The following MMP13 variants were observed in gnomAD, a reference collection of about 807,000 sequenced individuals.
The protein encoded by MMP13 is matrix metallopeptidase 13, also known as collagenase 3.
MMP13 carries 45 observed loss-of-function variants against 52.1 expected under a neutral mutation model. The observed-to-expected ratio is 0.86, with a 90% confidence interval of 0.68 to 1.11. MMP13 has a LOEUF of 1.11. Among genes scored for constraint, MMP13 ranks in the 50% least tolerant of loss-of-function variants. The probability of loss-of-function intolerance (pLI) is 0.00; values close to 1 mark genes in which losing one functional copy is unlikely to be tolerated. For missense variants in MMP13, 576 were observed against 583.8 expected (o/e 0.99, Z 0.14); for synonymous variants, 200 against 204.4 (o/e 0.98, Z 0.18).
rs1262950273 is a variant in MMP13 at position 102,954,452 on chromosome 11, C to A, written c.511+6G>T. The A allele has an allele frequency of 6.2e-7, 1 of 1,612,720 alleles. No individual in the cohort carries two copies. The highest frequency in any genetic ancestry group is 1.3e-5 in the African/African-American group (1 of 74,872). ...AAATGTTTGTAAAATAAATGTGCAT[C>A]ATTACCCTTAATTCCAAAAGAGATC... On this transcript the variant is annotated splice_donor_region_variant and intron_variant, in intron 3 of 9. Transcript: ENST00000260302.
chr11:102,945,400 T>C (rs891483553), intron 9 of MMP13, among the ~76,000 whole-genome samples: 3 of 152,182 alleles, frequency 2.0e-5, no homozygotes, highest in Non-Finnish European at 4.4e-5. Flanking sequence ...TAGATTAAGG[T>C]AATGTTGAAG....
chr11:102,953,627 G>A (rs1488335219), intron 4 of MMP13, among the ~76,000 whole-genome samples: 1 of 152,092 alleles, frequency 6.6e-6, no homozygotes, highest in African/African-American at 2.4e-5. Flanking sequence ...GTTTCATGCT[G>A]TTTGGAGTAA....
intron 5 of MMP13, among the ~76,000 whole-genome samples, chr11:102,951,697 C>T (rs1332491374): frequency 1.3e-5 from 2 of 152,184 alleles, no homozygotes; most frequent in East Asian, 1.9e-4. Flanking sequence ...TGTACTTACA[C>T]AAACCTAGAT....
chr11:102,948,643 A>G (rs959606811), intron 7 of MMP13, among the ~76,000 whole-genome samples: 1 of 152,230 alleles, frequency 6.6e-6, no homozygotes, highest in African/African-American at 2.4e-5. Context: ...TTTGTATTAC[A>G]TAATGAAAAT....
Position 102,955,353 on chromosome 11 carries a change from G to C in MMP13, c.261C>G (p.Thr87=), listed in dbSNP as rs1860679696. ...ATCTTGGCTTTTTCATGACATCTAA[G>C]GTGTTATCGTCAAGTTTGCCAGTCA... ...LEVTGKLDDN[T]LDVMKKPRCG... The change falls in exon 2 of 10, where the codon ACC becomes ACG. Residue 87 remains threonine, a synonymous_variant. Transcript: ENST00000260302. This position sits in a 1 kb window ranked among gnomAD's most constrained non-coding sequence, Gnocchi z 4.9. 6.2e-7 allele frequency: 1 copy of C among 1,613,930 alleles called. No individual in the cohort carries two copies. The highest frequency in any genetic ancestry group is 1.3e-5 in the African/African-American group (1 of 74,984).
In MMP13 at chr11:102,949,312, G is replaced by A. The variant is rs143598232; in HGVS notation, c.918-154C>T. The stretch of plus-strand genomic sequence containing the variant: ...AAAAAAATTCCATTACCCTTTAAGC[G>A]CCAGTGACAAGTTGTGCTATCCTAA... On this transcript the variant is annotated intron_variant, in intron 6 of 9. Transcript: ENST00000260302. The surrounding 1 kb of genome is among the most constrained non-coding windows in gnomAD (Gnocchi z 4.2). 1.4e-4 allele frequency among the ~76,000 whole-genome samples: 22 copies of A among 152,102 alleles called. No individual in the cohort carries two copies. Among genetic ancestry groups the A allele is most frequent in the Middle Eastern group, 3.4e-3 (1 of 294 alleles).
At position 102,953,046 on chromosome 11, in the gene MMP13, A is replaced by G. The variant is rs141798430; in HGVS notation, c.638-873T>C. The stretch of plus-strand genomic sequence containing the variant: ...ACCATCCTAGCAAACCTTGCAGACC[A>G]TGAGAGCAATTAGAGGTCACATAAT... On this transcript the variant is annotated intron_variant, in intron 4 of 9. Transcript: ENST00000260302. 3.9e-5 allele frequency among the ~76,000 whole-genome samples: 6 copies of G among 152,284 alleles called. No individual in the cohort carries two copies. The East Asian group carries it at 7.7e-4, about 20-fold the overall frequency.
At position 102,944,265 on chromosome 11, in the gene MMP13, C is replaced by G. The variant is rs141028591; in HGVS notation, c.*1G>C. The G allele has an allele frequency of 1.2e-6, 2 of 1,610,772 alleles. No individual in the cohort carries two copies. The highest frequency in any genetic ancestry group is 4.5e-5 in the East Asian group (2 of 44,804). On this transcript the variant is annotated 3_prime_UTR_variant, in exon 10 of 10. Transcript: ENST00000260302. ...TTAAATAACAATTTTTAAAAAGACA[C>G]TTAACACCACAAAATGGAATTTGCT...
At chr11:102,947,105 C>G (rs1424583792) in intron 8 of MMP13, among the ~76,000 whole-genome samples, 3 of 152,188 alleles carry the variant, frequency 2.0e-5, no homozygotes, top group African/African-American at 7.2e-5. Context: ...AAACTATGGG[C>G]CTGTCAGCTT....
Position 102,955,201 on chromosome 11 carries a change from T to C in MMP13, c.362+51A>G, listed in dbSNP as rs770445398. 5.6e-6 allele frequency: 9 copies of C among 1,595,216 alleles called. No individual in the cohort carries two copies. The highest frequency in any genetic ancestry group is 7.7e-6 in the Non-Finnish European group (9 of 1,166,554). On this transcript the variant is annotated intron_variant, in intron 2 of 9. Transcript: ENST00000260302. The surrounding 1 kb of genome is among the most constrained non-coding windows in gnomAD (Gnocchi z 4.9). ...GGCCTACTTAATATTAGACATTTAA[T>C]ACTACAAGAAAAGGCTAACAAATAT...
rs990460622 is a variant in MMP13, at chr11:102,955,125, C to T, written c.362+127G>A. ...AATAATAGATGTTATGAGGTATTCT[C>T]GGCAACCATATTAAAGCTATTCTGG... On this transcript the variant is annotated intron_variant, in intron 2 of 9. Coordinates refer to ENST00000260302, the MANE Select transcript of MMP13 (RefSeq NM_002427.4). The surrounding 1 kb of genome is among the most constrained non-coding windows in gnomAD (Gnocchi z 4.9). 3.0e-5 allele frequency: 32 copies of T among 1,066,104 alleles called. No individual in the cohort carries two copies. The highest frequency in any genetic ancestry group is 2.7e-4 in the Middle Eastern group (1 of 3,652). 66.0% of individuals were successfully genotyped at this position (1,066,104 alleles called of 1,614,324 possible). A position where few individuals can be genotyped will look rare whatever the true frequency, so the allele number is the denominator to read the frequency against.
At chr11:102,950,612 T>A (rs1299198041) in intron 5 of MMP13, among the ~76,000 whole-genome samples, 1 of 152,154 alleles carries the variant, frequency 6.6e-6, no homozygotes, top group Non-Finnish European at 1.5e-5. Flanking sequence ...GCAAAAGCCC[T>A]CATCTTGCCT....
chr11:102,955,701 T>G lies in MMP13; in HGVS notation c.5A>C (p.His2Pro). ...GAGGAAGGCAGCCAGGACCCCTGGA[T>G]GCATCTTGAATGGTGATGCCTGGGG... M[H>P]PGVLAAFLFL... Residue 2 changes from histidine to proline, a missense_variant, in exon 1 of 10, where the codon CAT becomes CCT. Coordinates refer to ENST00000260302, the MANE Select transcript of MMP13 (RefSeq NM_002427.4). This position sits in a 1 kb window ranked among gnomAD's most constrained non-coding sequence, Gnocchi z 4.9. 1 of 1,613,952 alleles carries G rather than the reference T, an allele frequency of 6.2e-7. No homozygotes were observed. The highest frequency in any genetic ancestry group is 1.7e-5 in the Admixed American group (1 of 59,990).
At chr11:102,945,494 C>T in intron 9 of MMP13, 152 bp downstream of exon 9, 1 of 660,940 alleles carries the variant, frequency 1.5e-6, no homozygotes, top group Admixed American at 3.0e-5. Flanking sequence ...GGTTTGCTGT[C>T]TTTGTAGGTA....
At chr11:102,944,947 C>G (rs1297234886) in intron 9 of MMP13, among the ~76,000 whole-genome samples, 1 of 150,662 alleles carries the variant, frequency 6.6e-6, no homozygotes, top group Non-Finnish European at 1.5e-5. Context: ...TCAATAATAT[C>G]TCTTTTCATA....
intron 3 of MMP13, 73 bp downstream of exon 3, chr11:102,954,385 G>A: frequency 5.0e-6 from 8 of 1,593,416 alleles, no homozygotes; most frequent in Non-Finnish European, 6.9e-6. Flanking sequence ...ATGAATGACT[G>A]AAATAAATAA....
rs782295095 is a variant in MMP13 at position 102,952,139 on chromosome 11, G to A, written c.672C>T (p.Phe224=). Reference sequence around the variant, plus strand: ...AGTGGTCAAGACCTAAGGAGTGGCCGAACTCATGCGCAGCAACAAGAAACA... The same window carrying A: ...AGTGGTCAAGACCTAAGGAGTGGCCAAACTCATGCGCAGCAACAAGAAACA... ...YNLFLVAAHE[F]GHSLGLDHSK... Residue 224 remains phenylalanine (F), a synonymous_variant, in exon 5 of 10, where the codon TTC becomes TTT. Coordinates refer to ENST00000260302, the MANE Select transcript of MMP13 (RefSeq NM_002427.4). The surrounding 1 kb of genome is among the most constrained non-coding windows in gnomAD (Gnocchi z 4.3). 2.0e-5 allele frequency: 32 copies of A among 1,612,996 alleles called. No homozygotes were observed. Among genetic ancestry groups the A allele is most frequent in the Admixed American group, 1.2e-4 (7 of 59,950 alleles).
Position 102,955,453 on chromosome 11 carries a change from C to A in MMP13, c.161G>T (p.Gly54Val). The change falls in exon 2 of 10, where the codon GGA (glycine) becomes GTA (valine). Residue 54 changes from glycine (G) to valine (V), a missense_variant. By Grantham distance (109) the Gly-to-Val change is moderately radical. Transcript: ENST00000260302. The surrounding 1 kb of genome is among the most constrained non-coding windows in gnomAD (Gnocchi z 4.9). ...RSYYHPTNLAGILKENAASSM... is the reference protein window; with the variant it reads ...RSYYHPTNLAVILKENAASSM... Reference sequence around the variant, plus strand: ...GCTTGCTGCATTCTCCTTCAGGATTCCCGCGAGATTTGTAGGATGGTAGTA... The same window carrying A: ...GCTTGCTGCATTCTCCTTCAGGATTACCGCGAGATTTGTAGGATGGTAGTA... 6.2e-7 allele frequency: 1 copy of A among 1,613,972 alleles called. No homozygotes were observed. The highest frequency in any genetic ancestry group is 8.5e-7 in the Non-Finnish European group (1 of 1,179,902).
At chr11:102,954,431 G>A (rs1450023604) in intron 3 of MMP13, 27 bp downstream of exon 3, 2 of 1,606,460 alleles carry the variant, frequency 1.2e-6, no homozygotes, top group South Asian at 2.2e-5. Context: ...ATATAAAAAT[G>A]TTTGTAAAAT....
Sources: gnomAD v4.1 joint callset for allele counts (sites outside exome capture counted in the v4.1 genomes callset) on GRCh38, gnomAD v4.1.1 for gene constraint, Gnocchi (gnomAD v3.1) non-coding constraint, MANE v1.5 for transcripts, NCBI Gene and HGNC (gene_info 2026-07-23, HGNC 2026-07-21) for gene names.